Variants in MYRIP observed in about 807,000 individuals in gnomAD.
MYRIP encodes the protein rab effector MyRIP.
In MYRIP, 49 loss-of-function variants were observed where a neutral mutation model predicts 98.0. The observed-to-expected ratio is 0.50, with a 90% CI of 0.40 to 0.63. MYRIP has a LOEUF of 0.63. MYRIP is among the 30% of genes least tolerant of loss of function. MYRIP has a pLI of 0.00. For synonymous variants in MYRIP, 404 were observed against 409.5 expected, an observed-to-expected ratio of 0.99 and a Z score of 0.16; for missense variants, 1,004 against 1,058.2, an observed-to-expected ratio of 0.95 and a Z score of 0.71.
intron 1 of MYRIP, among the ~76,000 whole-genome samples, chr3:39,884,469 G>A (rs1943237289): frequency 1.3e-5 from 2 of 152,066 alleles, no homozygotes; most frequent in African/African-American, 2.4e-5. Flanking sequence ...TTTGAGTAAA[G>A]CAGATTACCC....
At chr3:40,102,158 T>G (rs1948957274) in intron 3 of MYRIP, among the ~76,000 whole-genome samples, 1 of 152,252 alleles carries the variant, frequency 6.6e-6, no homozygotes, top group Non-Finnish European at 1.5e-5. Flanking sequence ...CTGCCCTTGA[T>G]GTGCCTGGAG....
chr3:40,109,489 G>A (rs750300068), intron 3 of MYRIP, among the ~76,000 whole-genome samples: 2 of 152,202 alleles, frequency 1.3e-5, no homozygotes, highest in Non-Finnish European at 2.9e-5. Flanking sequence ...GCCTTTCAAG[G>A]AGGAGGCAGA....
intron 2 of MYRIP, among the ~76,000 whole-genome samples, chr3:39,984,506 TG>T (rs1478161464): frequency 6.6e-6 from 1 of 152,222 alleles, no homozygotes. Context: ...GATAGTTTAC[TG>T]ACAATGATGA....
At position 40,250,345 on chromosome 3, in the gene MYRIP, C is replaced by T. The variant is rs34856047; in HGVS notation, c.2367+19C>T. 0.053 allele frequency: 85,382 copies of T among 1,612,958 alleles called. 3,164 individuals are homozygous for T. The highest frequency in any genetic ancestry group is 0.18 in the African/African-American group (13,810 of 74,932). The stretch of plus-strand genomic sequence containing the variant: ...GACCCAGGTGTGTTTGTCCCTTTCT[C>T]CCTCTGTTGGAATGTTACATGGCTT... On this transcript the variant is annotated intron_variant, in intron 14 of 16. Transcript: ENST00000302541.
intron 1 of MYRIP, among the ~76,000 whole-genome samples, chr3:39,884,784 A>G (rs902150107): frequency 6.8e-6 from 1 of 146,734 alleles, no homozygotes; most frequent in African/African-American, 2.5e-5. Context: ...ATATTTTTCC[A>G]TTGTATGGCT....
At chr3:40,060,803 G>A (rs559290991) in intron 3 of MYRIP, among the ~76,000 whole-genome samples, 1 of 152,122 alleles carries the variant, frequency 6.6e-6, no homozygotes, top group Non-Finnish European at 1.5e-5. Context: ...ATGTTGGCCA[G>A]GCTGGTCTCG....
At chr3:40,083,808 T>A (rs1450625627) in intron 3 of MYRIP, among the ~76,000 whole-genome samples, 1 of 151,932 alleles carries the variant, frequency 6.6e-6, no homozygotes, top group African/African-American at 2.4e-5. Flanking sequence ...GAATTCCTTA[T>A]CTGGGGAAAC....
chr3:39,924,142 C>G lies in MYRIP; in HGVS notation c.110+23216C>G, dbSNP rs1944362388. ...TATTTAAGCCCTAACACATCAATGA[C>G]ATTAAATGTAAATGGCCTAAATATA... On this transcript the variant is annotated intron_variant, in intron 2 of 16. Transcript: ENST00000302541. Among the ~76,000 whole-genome samples, 4 of 151,940 alleles carry G rather than the reference C, an allele frequency of 2.6e-5. No individual in the cohort carries two copies. In the South Asian group the frequency reaches 8.3e-4, roughly 31 times the overall value.
chr3:40,103,959 G>A lies in MYRIP; in HGVS notation c.333-47089G>A, dbSNP rs192126181. 1.2e-3 allele frequency among the ~76,000 whole-genome samples: 183 copies of A among 152,268 alleles called. 3 individuals are homozygous for A. The highest frequency in any genetic ancestry group is 4.3e-3 in the African/African-American group (180 of 41,558). On this transcript the variant is annotated intron_variant, in intron 3 of 16. Coordinates refer to ENST00000302541, the MANE Select transcript of MYRIP (RefSeq NM_015460.4). ...CATCAATATGGTAGATACACTTTAA[G>A]CTTTATGAAGCAATATCCTATTGTT... is the stretch of plus-strand genomic sequence containing the variant.
chr3:40,000,348 G>C (rs1336966107), intron 2 of MYRIP, among the ~76,000 whole-genome samples: 2 of 152,120 alleles, frequency 1.3e-5, no homozygotes, highest in African/African-American at 4.8e-5. Flanking sequence ...ATCAGCATTT[G>C]CCTCCAGCAG....
intron 2 of MYRIP, among the ~76,000 whole-genome samples, chr3:40,040,718 C>A (rs1947492505): frequency 1.7e-5 from 1 of 59,322 alleles, no homozygotes; most frequent in Non-Finnish European, 3.4e-5. Context: ...TCTCAGTAAA[C>A]TATCGCAAGA....
At chr3:39,997,899 T>C (rs949181212) in intron 2 of MYRIP, among the ~76,000 whole-genome samples, 1 of 152,156 alleles carries the variant, frequency 6.6e-6, no homozygotes, top group African/African-American at 2.4e-5. Context: ...TCAATAAACA[T>C]AATCCAGCAC....
Position 40,256,681 on chromosome 3 carries a change from T to C in MYRIP, c.2548-1453T>C, listed in dbSNP as rs929201214. Among the ~76,000 whole-genome samples the C allele has an allele frequency of 6.6e-5, 10 of 151,770 alleles. No homozygotes were observed. The East Asian group carries it at 7.7e-4, about 12-fold the overall frequency. On this transcript the variant is annotated intron_variant, in intron 16 of 16. Transcript: ENST00000302541. ...TCAAATCAGAATCAAATCAGAAAAA[T>C]AGCAAAAACTAACTTAAGAAATAAA...
At chr3:39,958,527 C>T (rs1211760138) in intron 2 of MYRIP, among the ~76,000 whole-genome samples, 2 of 152,034 alleles carry the variant, frequency 1.3e-5, no homozygotes, top group Non-Finnish European at 2.9e-5. Flanking sequence ...CAAAAATTAA[C>T]TCAAGATGGA....
intron 2 of MYRIP, among the ~76,000 whole-genome samples, chr3:39,962,473 T>G (rs1230079842): frequency 1.3e-5 from 2 of 151,884 alleles, no homozygotes; most frequent in Non-Finnish European, 2.9e-5. Flanking sequence ...TTTTTCCACT[T>G]GTTCAATGAA....
chr3:39,818,430 G>T (rs1940992751), intron 1 of MYRIP, among the ~76,000 whole-genome samples: 1 of 152,080 alleles, frequency 6.6e-6, no homozygotes, highest in Admixed American at 6.6e-5. Context: ...ATATTTATTG[G>T]CTCTTCATGG....
chr3:40,160,185 T>C (rs577821471), intron 4 of MYRIP, among the ~76,000 whole-genome samples: 1 of 152,318 alleles, frequency 6.6e-6, no homozygotes, highest in South Asian at 2.1e-4. Context: ...GTGGATATCC[T>C]TTCTGTTTGT....
rs1472345639 is a variant in MYRIP, at chr3:40,040,997, A to G, written c.111-3053A>G. ...AGAGTATAATAAAAAAAAAAAAGAAAAAAAAAAAGAAAATATTACCAGCAG... is the reference window on the plus strand; with the variant it reads ...AGAGTATAATAAAAAAAAAAAAGAAGAAAAAAAAGAAAATATTACCAGCAG... On this transcript the variant is annotated intron_variant, in intron 2 of 16. Transcript: ENST00000302541. Among the ~76,000 whole-genome samples the G allele has an allele frequency of 9.6e-4, 124 of 128,576 alleles. 1 individual carries two copies. Among genetic ancestry groups the G allele is most frequent in the African/African-American group, 3.6e-3 (120 of 33,556 alleles). The allele number at this position is 128,576 out of a possible 152,430, so 84.4% of individuals were successfully genotyped here.
chr3:40,251,643 G>A (rs1308110710), intron 15 of MYRIP, among the ~76,000 whole-genome samples: 1 of 152,180 alleles, frequency 6.6e-6, no homozygotes, highest in African/African-American at 2.4e-5. Flanking sequence ...TTTATGAACT[G>A]TACTGGGTTA....
Sources: gnomAD v4.1 joint callset for allele counts (sites outside exome capture counted in the v4.1 genomes callset) on GRCh38, gnomAD v4.1.1 for gene constraint, MANE v1.5 for transcripts, NCBI Gene and HGNC (gene_info 2026-07-23, HGNC 2026-07-21) for gene names.